CASQ2: variants seen among roughly 807,000 people sequenced by gnomAD.
CASQ2 encodes the protein calsequestrin 2.
CASQ2 carries 49 observed loss-of-function variants against 46.5 expected under a neutral mutation model. The observed-to-expected ratio is 1.05, with a 90% CI of 0.84 to 1.34. CASQ2 has a LOEUF of 1.34. Ranked by LOEUF, CASQ2 falls within the 40% of genes most tolerant of loss-of-function variation. The probability of loss-of-function intolerance (pLI) is 0.00; values close to 1 mark genes in which losing one functional copy is unlikely to be tolerated. For synonymous variants in CASQ2, 174 were observed against 168.5 expected, an observed-to-expected ratio of 1.03 and a Z score of -0.25; for missense variants, 486 against 481.3, an observed-to-expected ratio of 1.01 and a Z score of -0.09.
At chr1:115,765,762 C>T (rs1649114872) in intron 1 of CASQ2, among the ~76,000 whole-genome samples, 1 of 152,046 alleles carries the variant, frequency 6.6e-6, no homozygotes, top group African/African-American at 2.4e-5. Flanking sequence ...GAGCTGCCTC[C>T]CCTCCAGCTA....
rs1056758880 is a variant in CASQ2 at position 115,730,215 on chromosome 1, A to G, written c.606+2686T>C. ...TTCCAGGGCTGGGGCCCAGAGACCA[A>G]TGGTTTTAAAAGCTTGTTGGAGGAT... On this transcript the variant is annotated intron_variant, in intron 5 of 10. Coordinates refer to ENST00000261448, the MANE Select transcript of CASQ2 (RefSeq NM_001232.4). Among the ~76,000 whole-genome samples, 6 of 152,328 alleles carry G rather than the reference A, an allele frequency of 3.9e-5. No homozygotes were observed. The East Asian group carries it at 1.2e-3, about 29-fold the overall frequency.
Position 115,700,037 on chromosome 1 carries a change from G to A in CASQ2, c.*1204C>T, listed in dbSNP as rs541956901. On this transcript the variant is annotated 3_prime_UTR_variant, in exon 11 of 11. Coordinates refer to ENST00000261448, the MANE Select transcript of CASQ2 (RefSeq NM_001232.4). ...TTGTCTGAATATTTTCAAAATATGA[G>A]TTTAATGACAGAATTAGTTAGCTAG... The A allele has an allele frequency of 2.9e-4, 44 of 152,642 alleles. No individual in the cohort carries two copies. The highest frequency in any genetic ancestry group is 1.0e-3 in the African/African-American group (43 of 41,562). The allele number at this position is 152,642 out of a possible 1,614,324, so 9.5% of individuals were successfully genotyped here.
intron 7 of CASQ2, among the ~76,000 whole-genome samples, chr1:115,718,461 G>A (rs1262781649): frequency 6.6e-6 from 1 of 152,230 alleles, no homozygotes; most frequent in African/African-American, 2.4e-5. Flanking sequence ...GTGGGCTGGT[G>A]TTGTTCACAC....
rs1654162609 is a variant in CASQ2 at position 115,700,216 on chromosome 1, CT to C, written c.*1024del. The C allele has an allele frequency of 7.2e-6, 1 of 139,278 alleles. No individual in the cohort carries two copies. Among genetic ancestry groups the C allele is most frequent in the African/African-American group, 2.6e-5 (1 of 37,884 alleles). The allele number at this position is 139,278 out of a possible 1,614,324, so 8.6% of individuals were successfully genotyped here. A position where few individuals can be genotyped will look rare whatever the true frequency, so the allele number is the denominator to read the frequency against. ...TAACTTTTAGACAGCTCAGAAGGCA[CT>C]TTGGGATTTTTTTTTTTTTCAGTGC... On this transcript the variant is annotated 3_prime_UTR_variant, in exon 11 of 11. Coordinates refer to ENST00000261448, the MANE Select transcript of CASQ2 (RefSeq NM_001232.4).
chr1:115,718,040 G>A (rs191374509), intron 7 of CASQ2, 146 bp from the exon 8 acceptor site: 43 of 709,706 alleles, frequency 6.1e-5, no homozygotes, highest in Non-Finnish European at 9.5e-5. Context: ...GCACAGAGGA[G>A]TACAGCGGGG....
intron 1 of CASQ2, among the ~76,000 whole-genome samples, chr1:115,754,857 C>T (rs889625752): frequency 2.6e-5 from 4 of 152,242 alleles, no homozygotes; most frequent in Admixed American, 6.5e-5. Flanking sequence ...CAATTAACTA[C>T]AGGGCAAACC....
rs571946090 is a variant in CASQ2, at chr1:115,754,411, C to A, written c.235-9499G>T. 1.6e-4 allele frequency among the ~76,000 whole-genome samples: 25 copies of A among 152,284 alleles called. No homozygotes were observed. In the East Asian group the frequency reaches 4.8e-3, roughly 29 times the overall value. On this transcript the variant is annotated intron_variant, in intron 1 of 10. Coordinates refer to ENST00000261448, the MANE Select transcript of CASQ2 (RefSeq NM_001232.4). ...GATGCTATGTATTTTTTCCACCCCA[C>A]AATTCTGAGAGGCTATATAACAACA...
chr1:115,761,497 G>GAGAAGAAGAAGAAGAAGAAGAAGAAGA (rs1342542608), intron 1 of CASQ2, among the ~76,000 whole-genome samples: 2 of 18,954 alleles, frequency 1.1e-4, no homozygotes, highest in African/African-American at 5.6e-4. Flanking sequence ...GGAGAAGAAG[G>GAGAAGAAGAAGAAGAAGAAGAAGAAGA]AGAAGAAGAA....
rs563546083 is a variant in CASQ2 at position 115,739,056 on chromosome 1, C to CT, written c.421-722dup. On this transcript the variant is annotated intron_variant, in intron 3 of 10. Transcript: ENST00000261448. ...CTGTATAGTTGCAAATGATAGTTTT[C>CT]TTTTTTTAAAAAAAAAAAAAGCTGA... Among the ~76,000 whole-genome samples the CT allele has an allele frequency of 7.6e-3, 861 of 112,682 alleles. 13 individuals carry two copies. Among genetic ancestry groups the CT allele is most frequent in the African/African-American group, 0.028 (787 of 28,398 alleles). 73.9% of individuals were successfully genotyped at this position (112,682 alleles called of 152,430 possible). A position where few individuals can be genotyped will look rare whatever the true frequency, so the allele number is the denominator to read the frequency against.
At chr1:115,721,625 G>A (rs1455498595) in intron 7 of CASQ2, among the ~76,000 whole-genome samples, 1 of 152,070 alleles carries the variant, frequency 6.6e-6, no homozygotes, top group Non-Finnish European at 1.5e-5. Context: ...AGGTTGGAGT[G>A]CAGTGGCACA....
At position 115,732,958 on chromosome 1, in the gene CASQ2, TTCAAAAG is replaced by T. The variant is rs755863384; in HGVS notation, c.542_548del (p.Ala181GlufsTer27). The T allele has an allele frequency of 6.2e-7, 1 of 1,613,518 alleles. No individual in the cohort carries two copies. Among genetic ancestry groups the T allele is most frequent in the South Asian group, 1.1e-5 (1 of 91,064 alleles). On this transcript the variant is annotated frameshift_variant, in exon 5 of 11. Transcript: ENST00000261448. LOFTEE classifies it high-confidence loss of function. ...AAGGCTGGAAGTGTTCAGCTGCTTC[TTCAAAAG>T]CCTTGTAGTCTAAGGGGAAAAATAA...
chr1:115,746,649 C>G (rs1017808546), intron 1 of CASQ2, among the ~76,000 whole-genome samples: 8 of 152,138 alleles, frequency 5.3e-5, no homozygotes, highest in African/African-American at 1.9e-4. Flanking sequence ...AATGCCTGTT[C>G]ACATCTTTTG....
rs748928919 is a variant in CASQ2, at chr1:115,725,465, A to C, written c.783+43T>G. 3 of 1,605,772 alleles carry C rather than the reference A, an allele frequency of 1.9e-6. No homozygotes were observed. In the African/African-American group the frequency reaches 4.0e-5, roughly 22 times the overall value. ...CTAAGAAGCACTCCTCTTTGGGACT[A>C]TACTCATCTCTACAAGGCAAAGAGA... On this transcript the variant is annotated intron_variant, in intron 7 of 10. Transcript: ENST00000261448.
At chr1:115,709,545 A>G (rs1023559967) in intron 8 of CASQ2, among the ~76,000 whole-genome samples, 1 of 152,200 alleles carries the variant, frequency 6.6e-6, no homozygotes, top group Middle Eastern at 3.2e-3. Context: ...AGTTATCTAG[A>G]CAAAGCAAGT....
chr1:115,757,817 C>T (rs147772641), intron 1 of CASQ2, among the ~76,000 whole-genome samples: 191 of 152,298 alleles, frequency 1.3e-3, no homozygotes, highest in African/African-American at 4.3e-3. Flanking sequence ...GTACTCAATA[C>T]TTTAAAAAAT....
intron 1 of CASQ2, among the ~76,000 whole-genome samples, chr1:115,755,444 ACCT>A (rs1478423584): frequency 1.3e-5 from 2 of 152,176 alleles, no homozygotes; most frequent in Non-Finnish European, 2.9e-5. Context: ...AGGTTGGTAC[ACCT>A]CATTTTAAAA....
At chr1:115,736,947 G>A (rs1647984510) in intron 4 of CASQ2, among the ~76,000 whole-genome samples, 1 of 152,108 alleles carries the variant, frequency 6.6e-6, no homozygotes, top group South Asian at 2.1e-4. Context: ...ATGATGATTC[G>A]TCTAGGCGGG....
chr1:115,736,434 C>T (rs529888019), intron 4 of CASQ2, among the ~76,000 whole-genome samples: 1 of 152,030 alleles, frequency 6.6e-6, no homozygotes, highest in African/African-American at 2.4e-5. Context: ...GTCAGGAGTT[C>T]AAGACCAGCC....
At chr1:115,745,685 G>C (rs928050958) in intron 1 of CASQ2, among the ~76,000 whole-genome samples, 2 of 152,160 alleles carry the variant, frequency 1.3e-5, no homozygotes, top group African/African-American at 4.8e-5. Flanking sequence ...TGTTTGAACA[G>C]GGACTTGAAA....
Sources: allele counts gnomAD v4.1 joint callset (sites outside exome capture counted in the v4.1 genomes callset), GRCh38; gene constraint gnomAD v4.1.1; transcripts MANE v1.5; gene names NCBI Gene and HGNC (gene_info 2026-07-23, HGNC 2026-07-21).